LRP6: variants seen among roughly 807,000 people sequenced by gnomAD.
LRP6 encodes LDL receptor related protein 6, also known as low-density lipoprotein receptor-related protein 6.
Under a neutral mutation model 184.1 loss-of-function variants are expected in LRP6, and 43 were observed. The ratio of observed to expected loss-of-function variants is 0.23; its 90% CI spans 0.18 to 0.30. The LOEUF (loss-of-function observed/expected upper bound fraction) is 0.30. Ranked by LOEUF, LRP6 falls within the 10% of genes least tolerant of loss-of-function variation. The pLI is 1.00. For missense variants in LRP6, 1,571 were observed against 2,005.3 expected (o/e 0.78, Z 4.14); for synonymous variants, 719 against 684.9 (o/e 1.05, Z -0.78).
At chr12:12,231,237 C>T (rs184361079) in intron 2 of LRP6, among the ~76,000 whole-genome samples, 2 of 134,676 alleles carry the variant, frequency 1.5e-5, no homozygotes, top group Non-Finnish European at 3.1e-5. Context: ...GATGCTATGA[C>T]GACCCTGGAT....
intron 6 of LRP6, among the ~76,000 whole-genome samples, chr12:12,180,213 C>T (rs1167332871): frequency 1.3e-5 from 2 of 149,586 alleles, no homozygotes; most frequent in African/African-American, 4.9e-5. Context: ...GAAAATGCCT[C>T]CCAATAATGA....
rs189322756 is a variant in LRP6 at position 12,262,101 on chromosome 12, G to A, written c.55+4580C>T. ...CTACTAAAAATACAAAAATTAGGCCGGGCACAGTGGCTCACACCTGTAATC... is the reference window on the plus strand; with the variant it reads ...CTACTAAAAATACAAAAATTAGGCCAGGCACAGTGGCTCACACCTGTAATC... On this transcript the variant is annotated intron_variant, in intron 1 of 22. Transcript: ENST00000261349. Among the ~76,000 whole-genome samples, 44 of 151,952 alleles carry A rather than the reference G, an allele frequency of 2.9e-4. No homozygotes were observed. The East Asian group carries it at 5.4e-3, about 19-fold the overall frequency.
At chr12:12,248,421 T>C (rs1865240987) in intron 1 of LRP6, among the ~76,000 whole-genome samples, 1 of 151,682 alleles carries the variant, frequency 6.6e-6, no homozygotes, top group African/African-American at 2.4e-5. Flanking sequence ...TGCAAGTGCT[T>C]CCTCTAAATC....
intron 1 of LRP6, among the ~76,000 whole-genome samples, chr12:12,252,916 A>T (rs568476309): frequency 1.7e-4 from 26 of 152,302 alleles, no homozygotes; most frequent in African/African-American, 5.3e-4. Context: ...TCTCTCTGCA[A>T]TGAATATATT....
rs1256366308 is a variant in LRP6 at position 12,117,197 on chromosome 12, AATTCCTTG to A, written c.*3921_*3928del. The A allele has an allele frequency of 6.6e-6, 1 of 152,234 alleles. No individual in the cohort carries two copies. Among genetic ancestry groups the A allele is most frequent in the Non-Finnish European group, 1.5e-5 (1 of 68,028 alleles). The allele number at this position is 152,234 out of a possible 1,614,324, so 9.4% of individuals were successfully genotyped here. ...GCTTAAGAAATACCAAATAAAATTA[AATTCCTTG>A]GGTTTAAGAATTCTGATAATGTTTT... On this transcript the variant is annotated 3_prime_UTR_variant, in exon 23 of 23. Coordinates refer to ENST00000261349, the MANE Select transcript of LRP6 (RefSeq NM_002336.3).
chr12:12,131,269 G>A (rs1347840779), intron 18 of LRP6, among the ~76,000 whole-genome samples: 8 of 151,944 alleles, frequency 5.3e-5, no homozygotes, highest in Non-Finnish European at 8.8e-5. Context: ...CACCAGGCCC[G>A]GCTAATTTTT....
At position 12,179,895 on chromosome 12, in the gene LRP6, G is replaced by A; in HGVS notation, c.1460C>T (p.Thr487Ile). The change falls in exon 7 of 23, where the codon ACT (threonine) becomes ATT (isoleucine). Residue 487 changes from threonine to isoleucine, a missense_variant. Thr to Ile is a moderately conservative substitution (Grantham distance 89, BLOSUM62 -1). This residue lies in a region of LRP6 where 640 missense variants were observed against 851.9 expected (regional missense o/e 0.75). Coordinates refer to ENST00000261349, the MANE Select transcript of LRP6 (RefSeq NM_002336.3). ...DGSDRVVLVN[T>I]SLGWPNGLAL... is the part of the protein sequence containing the mutation. ...TAAACCATTTGGCCAACCAAGAGAA[G>A]TGTTAACCAATACTACACGGTCAGA... 6.2e-7 allele frequency: 1 copy of A among 1,613,886 alleles called. No homozygotes were observed. The highest frequency in any genetic ancestry group is 8.5e-7 in the Non-Finnish European group (1 of 1,179,870).
chr12:12,127,708 G>A (rs1052523526), intron 19 of LRP6, among the ~76,000 whole-genome samples: 5 of 151,976 alleles, frequency 3.3e-5, no homozygotes, highest in Admixed American at 3.3e-4. Context: ...TGAAATTAGA[G>A]CATTACTGTC....
Position 12,151,496 on chromosome 12 carries a change from A to G in LRP6, c.2792-458T>C, listed in dbSNP as rs189203067. ...ATCTAAGGAAAAAAAAAAAAAAAAG[A>G]AGGCTGATTTTTAGTCTCAGCCTTC... On this transcript the variant is annotated intron_variant, in intron 12 of 22. Coordinates refer to ENST00000261349, the MANE Select transcript of LRP6 (RefSeq NM_002336.3). 1.9e-3 allele frequency among the ~76,000 whole-genome samples: 289 copies of G among 151,638 alleles called. 2 individuals carry two copies. Among genetic ancestry groups the G allele is most frequent in the Middle Eastern group, 6.8e-3 (2 of 292 alleles).
At chr12:12,265,355 T>C (rs1403577008) in intron 1 of LRP6, among the ~76,000 whole-genome samples, 2 of 152,164 alleles carry the variant, frequency 1.3e-5, no homozygotes, top group Non-Finnish European at 2.9e-5. Context: ...TAATATAACA[T>C]GCAAACACAA....
intron 2 of LRP6, chr12:12,226,702 C>T (rs1424271595): frequency 6.6e-6 from 1 of 152,254 alleles, no homozygotes; most frequent in Non-Finnish European, 1.5e-5. Context: ...CATATACTAA[C>T]ACTGGAACAA....
At chr12:12,258,239 T>C (rs1033985485) in intron 1 of LRP6, among the ~76,000 whole-genome samples, 6 of 152,116 alleles carry the variant, frequency 3.9e-5, no homozygotes, top group Non-Finnish European at 8.8e-5. Context: ...GCCTCAGCCT[T>C]CTAAGCAGCT....
At chr12:12,209,054 A>G (rs1252268596) in intron 2 of LRP6, among the ~76,000 whole-genome samples, 1 of 152,242 alleles carries the variant, frequency 6.6e-6, no homozygotes, top group African/African-American at 2.4e-5. Flanking sequence ...CTCTCACTGC[A>G]ATATCTACTA....
intron 1 of LRP6, among the ~76,000 whole-genome samples, chr12:12,254,143 CAAAA>C (rs34210761): frequency 2.3e-4 from 17 of 74,374 alleles, no homozygotes; most frequent in East Asian, 4.9e-4. Flanking sequence ...GACTCTGTCT[CAAAA>C]AAAAAAAAAA....
At chr12:12,203,559 G>C (rs1863971620) in intron 2 of LRP6, among the ~76,000 whole-genome samples, 159 bp from the exon 3 acceptor site, 1 of 152,336 alleles carries the variant, frequency 6.6e-6, no homozygotes, top group South Asian at 2.1e-4. Context: ...GAAGTCAAGA[G>C]ATCGAGACCA....
At chr12:12,184,884 A>C (rs528266852) in intron 4 of LRP6, among the ~76,000 whole-genome samples, 1 of 152,336 alleles carries the variant, frequency 6.6e-6, no homozygotes, top group East Asian at 1.9e-4. Flanking sequence ...ACTCATAGAA[A>C]AAAATCAACA....
At chr12:12,258,587 G>T (rs533916688) in intron 1 of LRP6, among the ~76,000 whole-genome samples, 2 of 152,238 alleles carry the variant, frequency 1.3e-5, no homozygotes, top group African/African-American at 2.4e-5. Flanking sequence ...ATATAAAGGG[G>T]AAAAAGGTCT....
chr12:12,184,982 C>A (rs1279228578), intron 4 of LRP6, among the ~76,000 whole-genome samples: 1 of 151,952 alleles, frequency 6.6e-6, no homozygotes, highest in East Asian at 1.9e-4. Context: ...ACATAAAGGA[C>A]CAACAATGCC....
intron 7 of LRP6, among the ~76,000 whole-genome samples, chr12:12,168,489 G>T (rs1862946983): frequency 1.3e-5 from 2 of 152,116 alleles, no homozygotes; most frequent in African/African-American, 4.8e-5. Flanking sequence ...ACACATGGGG[G>T]ACTCAAAGGA....
Sources: allele counts gnomAD v4.1 joint callset (sites outside exome capture counted in the v4.1 genomes callset), GRCh38; gene constraint gnomAD v4.1.1; regional missense constraint gnomAD v4.1.1; transcripts MANE v1.5; gene names NCBI Gene and HGNC (gene_info 2026-07-23, HGNC 2026-07-21).